Variants in TMC2 observed in about 807,000 individuals in gnomAD.
TMC2 encodes transmembrane channel like 2.
TMC2 carries 102 observed loss-of-function variants against 105.9 expected under a neutral mutation model. That is an observed-to-expected ratio of 0.96 (90% CI 0.82 to 1.14). The LOEUF is 1.14. TMC2 is among the 50% of genes most tolerant of loss of function. The pLI is 0.00. For synonymous variants in TMC2, 402 were observed against 422.8 expected, an observed-to-expected ratio of 0.95 and a Z score of 0.60; for missense variants, 1,093 against 1,134.3, an observed-to-expected ratio of 0.96 and a Z score of 0.52.
intron 1 of TMC2, 60 bp downstream of exon 1, chr20:2,536,715 G>T: frequency 6.5e-7 from 1 of 1,534,046 alleles, no homozygotes; most frequent in East Asian, 2.4e-5. Flanking sequence ...AGCAGCAGGG[G>T]ATGGGGGAAG....
At chr20:2,568,465 G>A (rs773672531) in intron 4 of TMC2, among the ~76,000 whole-genome samples, 17 of 152,266 alleles carry the variant, frequency 1.1e-4, no homozygotes, top group African/African-American at 3.4e-4. Flanking sequence ...TTCTCTTGGG[G>A]GTTTGCTGGA....
chr20:2,545,235 AG>A (rs2085915650), intron 2 of TMC2, among the ~76,000 whole-genome samples: 1 of 152,080 alleles, frequency 6.6e-6, no homozygotes, highest in African/African-American at 2.4e-5. Flanking sequence ...ACATACATAA[AG>A]GCATGCATAC....
chr20:2,625,771 G>A (rs1409087937), intron 17 of TMC2, among the ~76,000 whole-genome samples: 2 of 152,182 alleles, frequency 1.3e-5, no homozygotes, highest in African/African-American at 2.4e-5. Context: ...GCAGAATTGT[G>A]GGTCATCAGC....
chr20:2,563,168 C>T (rs577708152), intron 4 of TMC2, among the ~76,000 whole-genome samples: 64 of 152,268 alleles, frequency 4.2e-4, no homozygotes, highest in African/African-American at 1.5e-3. Flanking sequence ...GTTCAAACTC[C>T]TCACCCTTTA....
At chr20:2,599,541 T>TTTC (rs775342685) in intron 10 of TMC2, among the ~76,000 whole-genome samples, 3 of 102,678 alleles carry the variant, frequency 2.9e-5, no homozygotes, top group Middle Eastern at 5.6e-3. Context: ...TTAATTACAT[T>TTTC]TTTTTTTTTT....
At position 2,566,424 on chromosome 20, in the gene TMC2, T is replaced by C. The variant is rs111914424; in HGVS notation, c.554+4414T>C. Among the ~76,000 whole-genome samples, 427 of 152,310 alleles carry C rather than the reference T, an allele frequency of 2.8e-3. 3 individuals carry two copies. The highest frequency in any genetic ancestry group is 8.4e-3 in the African/African-American group (350 of 41,558). ...AGAAGCATGTGGACATCATCAATAA[T>C]GATACACAGTAGGATGTGAAGTTGG... is the stretch of plus-strand genomic sequence containing the variant. On this transcript the variant is annotated intron_variant, in intron 4 of 19. Coordinates refer to ENST00000358864, the MANE Select transcript of TMC2 (RefSeq NM_080751.3).
At chr20:2,589,600 T>G (rs1471816299) in intron 7 of TMC2, among the ~76,000 whole-genome samples, 1 of 152,146 alleles carries the variant, frequency 6.6e-6, no homozygotes, top group Non-Finnish European at 1.5e-5. Context: ...GATTGTCCAC[T>G]TGTCTAGTTG....
In TMC2 at chr20:2,628,300, T is replaced by A. The variant is rs1290497470; in HGVS notation, c.2306+3904T>A. 5.9e-5 allele frequency among the ~76,000 whole-genome samples: 9 copies of A among 152,368 alleles called. No individual in the cohort carries two copies. The East Asian group carries it at 1.5e-3, about 26-fold the overall frequency. ...TTTTAAGTTTTCTTCATAAATTTCA[T>A]GCACATTTCTTATTAAATGTATTCC... On this transcript the variant is annotated intron_variant, in intron 17 of 19. Coordinates refer to ENST00000358864, the MANE Select transcript of TMC2 (RefSeq NM_080751.3).
intron 10 of TMC2, among the ~76,000 whole-genome samples, chr20:2,598,260 CAG>C (rs34052011): frequency 0.015 from 2,328 of 151,336 alleles, 38 homozygotes; most frequent in Non-Finnish European, 0.02. Flanking sequence ...GAAAGGGAGA[CAG>C]AGTGAAAGCT....
intron 9 of TMC2, among the ~76,000 whole-genome samples, chr20:2,596,717 ATGTGTGTGTGTGTGTGTGTGTGTGTG>A (rs35925886): frequency 6.8e-6 from 1 of 146,128 alleles, no homozygotes; most frequent in Non-Finnish European, 1.5e-5. Flanking sequence ...AAAAATATAT[ATGTGTGTGTGTGTGTGTGTGTGTGTG>A]TATGTGTGTG....
chr20:2,558,639 G>T lies in TMC2; in HGVS notation c.266G>T (p.Gly89Val). 6.4e-7 allele frequency: 1 copy of T among 1,571,532 alleles called. No homozygotes were observed. The highest frequency in any genetic ancestry group is 2.3e-5 in the East Asian group (1 of 42,926). Residue 89 changes from glycine to valine, a missense_variant, in exon 3 of 20, where the codon GGC becomes GTC. By Grantham distance (109) the Gly-to-Val change is moderately radical (BLOSUM62 -3). Coordinates refer to ENST00000358864, the MANE Select transcript of TMC2 (RefSeq NM_080751.3). This position sits in a 1 kb window ranked among gnomAD's most constrained non-coding sequence, Gnocchi z 4.6. ...HREELGEQERGEAERTCEGRR... is the reference protein window; with the variant it reads ...HREELGEQERVEAERTCEGRR... Reference sequence around the variant, plus strand: ...GAAGAGCTGGGGGAGCAGGAGCGGGGCGAGGCAGAGAGGACCTGCGAGGGC... The same window carrying T: ...GAAGAGCTGGGGGAGCAGGAGCGGGTCGAGGCAGAGAGGACCTGCGAGGGC...
At chr20:2,639,923 C>A (rs921787983) in intron 19 of TMC2, among the ~76,000 whole-genome samples, 8 of 152,164 alleles carry the variant, frequency 5.3e-5, no homozygotes, top group African/African-American at 1.9e-4. Context: ...CACGCAGACA[C>A]TTTAGCCTTG....
At chr20:2,636,496 A>ACACACACACG (rs1600144542) in intron 18 of TMC2, among the ~76,000 whole-genome samples, 1 of 149,408 alleles carries the variant, frequency 6.7e-6, no homozygotes, top group Non-Finnish European at 1.5e-5. Flanking sequence ...ACACACACGC[A>ACACACACACG]CACACCCTAA....
intron 7 of TMC2, among the ~76,000 whole-genome samples, chr20:2,589,576 G>C (rs1440034294): frequency 6.6e-6 from 1 of 152,026 alleles, no homozygotes; most frequent in African/African-American, 2.4e-5. Context: ...CTGGATCTTG[G>C]CAGCACAAGT....
chr20:2,581,022 C>T (rs184043124), intron 7 of TMC2, among the ~76,000 whole-genome samples: 1 of 152,268 alleles, frequency 6.6e-6, no homozygotes, highest in Non-Finnish European at 1.5e-5. Context: ...CAACAGCTTT[C>T]AGAGGAACAG....
At chr20:2,612,555 G>A (rs1196344400) in intron 13 of TMC2, among the ~76,000 whole-genome samples, 1 of 152,168 alleles carries the variant, frequency 6.6e-6, no homozygotes, top group Non-Finnish European at 1.5e-5. Context: ...GTTGTGATTG[G>A]TGTCTGGTAG....
intron 4 of TMC2, among the ~76,000 whole-genome samples, chr20:2,563,096 G>A (rs778846876): frequency 4.6e-5 from 7 of 151,998 alleles, no homozygotes; most frequent in South Asian, 4.2e-4. Flanking sequence ...CACTCCCCCC[G>A]TTTCCTCTGT....
Position 2,536,672 on chromosome 20 carries a change from A to G in TMC2, c.34+17A>G. 1 of 1,568,786 alleles carries G rather than the reference A, an allele frequency of 6.4e-7. No individual in the cohort carries two copies. The highest frequency in any genetic ancestry group is 2.3e-5 in the East Asian group (1 of 42,968). ...AAGAGGAAGGTGAGTCCACGTCCTGATCCTGCGGGGCCCGCCCACAGGGTT... is the reference window on the plus strand; with the variant it reads ...AAGAGGAAGGTGAGTCCACGTCCTGGTCCTGCGGGGCCCGCCCACAGGGTT... On this transcript the variant is annotated intron_variant, in intron 1 of 19. Transcript: ENST00000358864.
chr20:2,549,253 G>T (rs1468883683), intron 2 of TMC2, among the ~76,000 whole-genome samples: 4 of 151,982 alleles, frequency 2.6e-5, no homozygotes, highest in Admixed American at 1.3e-4. Flanking sequence ...CCAGGATCTC[G>T]CTGTGTTGCC....
Sources: allele counts gnomAD v4.1 joint callset (sites outside exome capture counted in the v4.1 genomes callset), GRCh38; gene constraint gnomAD v4.1.1; non-coding constraint Gnocchi (gnomAD v3.1); transcripts MANE v1.5; gene names NCBI Gene and HGNC (gene_info 2026-07-23, HGNC 2026-07-21).